Variants in TMPRSS9 observed in about 807,000 individuals in gnomAD.
TMPRSS9 encodes the protein transmembrane protease serine 9.
TMPRSS9 carries 113 observed loss-of-function variants against 111.4 expected under a neutral mutation model. The ratio of observed to expected loss-of-function variants is 1.01; its 90% CI spans 0.87 to 1.19. The LOEUF is 1.19. Ranked by LOEUF, TMPRSS9 falls within the 50% of genes most tolerant of loss-of-function variation. The pLI is 0.00. For missense variants in TMPRSS9, 1,803 were observed against 1,513.1 expected, an observed-to-expected ratio of 1.19 and a Z score of -3.18; for synonymous variants, 805 against 659.1, an observed-to-expected ratio of 1.22 and a Z score of -3.39.
chr19:2,422,078 A>G (rs1971478542), exon 14 of TMPRSS9: 1 of 1,609,170 alleles, frequency 6.2e-7, no homozygotes, highest in Non-Finnish European at 8.5e-7. Flanking sequence ...CCAGGACGAC[A>G]GCTGGCCTCA....
chr19:2,369,933 T>G (rs2385174), intron 1 of TMPRSS9, among the ~76,000 whole-genome samples: 1 of 151,824 alleles, frequency 6.6e-6, no homozygotes, highest in Non-Finnish European at 1.5e-5. Context: ...GATGCCCAAA[T>G]GCAGTGGCTC....
chr19:2,409,506 A>G (rs1284409665), intron 8 of TMPRSS9, among the ~76,000 whole-genome samples: 6 of 152,040 alleles, frequency 3.9e-5, no homozygotes, highest in Non-Finnish European at 8.8e-5. Context: ...AGTGGCTACT[A>G]TATTGGGTGG....
At chr19:2,417,733 C>T (rs1231469054) in intron 12 of TMPRSS9, among the ~76,000 whole-genome samples, 2 of 152,148 alleles carry the variant, frequency 1.3e-5, no homozygotes, top group Non-Finnish European at 2.9e-5. Context: ...TTAATGCTTC[C>T]CTTGACCTCA....
At chr19:2,411,706 C>T (rs1971100406) in intron 9 of TMPRSS9, among the ~76,000 whole-genome samples, 1 of 152,140 alleles carries the variant, frequency 6.6e-6, no homozygotes, top group Admixed American at 6.6e-5. Flanking sequence ...TGCCCACCAC[C>T]ACGCCTGGAT....
At chr19:2,412,314 G>A (rs984538124) in intron 9 of TMPRSS9, among the ~76,000 whole-genome samples, 1 of 152,060 alleles carries the variant, frequency 6.6e-6, no homozygotes, top group East Asian at 1.9e-4. Flanking sequence ...TGAGGTGGGA[G>A]GATTATTTGA....
exon 7 of TMPRSS9, chr19:2,405,422 G>A: frequency 1.2e-6 from 2 of 1,607,194 alleles, no homozygotes; most frequent in Non-Finnish European, 1.7e-6. Context: ...ATCGTGGGCG[G>A]CATGGAAGCA....
intron 2 of TMPRSS9, 107 bp downstream of exon 3, chr19:2,396,773 G>A: frequency 6.9e-7 from 1 of 1,444,740 alleles, no homozygotes; most frequent in Non-Finnish European, 9.2e-7. Flanking sequence ...AGGCAACGAA[G>A]CTGAGGTGGA....
upstream of TMPRSS9, among the ~76,000 whole-genome samples, chr19:2,387,276 A>G (rs560218651): frequency 4.6e-5 from 7 of 151,582 alleles, no homozygotes; most frequent in East Asian, 9.8e-4. Context: ...GGGTGGATCA[A>G]CTGAGGTCAG....
chr19:2,398,927 C>T, intron 3 of TMPRSS9, 65 bp downstream of exon 4: 2 of 1,532,860 alleles, frequency 1.3e-6, no homozygotes, highest in South Asian at 1.2e-5. Context: ...TGGAGGAGTC[C>T]AGAAAAGTTT....
rs895943924 is a variant in TMPRSS9 at position 2,408,269 on chromosome 19, C to G, written c.843-87C>G. The G allele has an allele frequency of 4.5e-5, 62 of 1,371,376 alleles. No individual in the cohort carries two copies. In the East Asian group the frequency reaches 1.4e-3, roughly 31 times the overall value. 85.0% of individuals were successfully genotyped at this position (1,371,376 alleles called of 1,614,324 possible). On this transcript the variant is annotated intron_variant, in intron 7 of 17. Coordinates refer to ENST00000648592, the Ensembl canonical transcript of TMPRSS9. ...TATTAATGTGGGGGGATACCCCTTA[C>G]ATTTTGCACCCAAGGCGAGTGTCCC...
At chr19:2,405,706 CTTT>C (rs10608410) in intron 7 of TMPRSS9, among the ~76,000 whole-genome samples, 161 bp downstream of exon 8, 42 of 135,816 alleles carry the variant, frequency 3.1e-4, no homozygotes, top group Non-Finnish European at 3.9e-4. Flanking sequence ...TGAGGGCATT[CTTT>C]TTTTTTTTTT....
chr19:2,405,192 C>T (rs1044444024), intron 6 of TMPRSS9, among the ~76,000 whole-genome samples, 182 bp from the exon 8 acceptor site: 6 of 151,942 alleles, frequency 3.9e-5, no homozygotes, highest in South Asian at 4.1e-4. Flanking sequence ...ATGGGGCAGC[C>T]GAGGAGTTGA....
At chr19:2,366,836 G>A (rs1014077196) in intron 1 of TMPRSS9, among the ~76,000 whole-genome samples, 3 of 144,102 alleles carry the variant, frequency 2.1e-5, no homozygotes, top group Non-Finnish European at 3.0e-5. Flanking sequence ...CAGCCTGGGC[G>A]ACAGAGCGAG....
chr19:2,420,590 T>C (rs1159626891), intron 13 of TMPRSS9, among the ~76,000 whole-genome samples: 1 of 152,018 alleles, frequency 6.6e-6, no homozygotes. Flanking sequence ...TAACCTGCAA[T>C]GGGAACCTAC....
chr19:2,416,839 G>T lies in TMPRSS9; in HGVS notation c.2017+30G>T, dbSNP rs745423504. On this transcript the variant is annotated intron_variant, in intron 12 of 17. Transcript: ENST00000648592. Reference sequence around the variant, plus strand: ...GCGCTGCCCCATCGAGGGGAACGGTGGATTTATTCTCCAGGGCCTGGCCTG... The same window carrying T: ...GCGCTGCCCCATCGAGGGGAACGGTTGATTTATTCTCCAGGGCCTGGCCTG... 2.5e-6 allele frequency: 4 copies of T among 1,578,460 alleles called. No individual in the cohort carries two copies. In the East Asian group the frequency reaches 9.0e-5, roughly 35 times the overall value.
intron 9 of TMPRSS9, among the ~76,000 whole-genome samples, chr19:2,412,385 C>G (rs2145364928): frequency 6.6e-6 from 1 of 152,252 alleles, no homozygotes; most frequent in Non-Finnish European, 1.5e-5. Flanking sequence ...GCCTGAGTGA[C>G]AGAGTGAGAC....
intron 14 of TMPRSS9, among the ~76,000 whole-genome samples, chr19:2,422,539 T>C (rs1971491171): frequency 6.6e-6 from 1 of 152,034 alleles, no homozygotes; most frequent in African/African-American, 2.4e-5. Flanking sequence ...TGCATGCCAC[T>C]GCACTCCAGC....
rs1026665439 is a variant in TMPRSS9 at position 2,414,751 on chromosome 19, C to G, written c.1573+733C>G. Among the ~76,000 whole-genome samples, 82 of 150,802 alleles carry G rather than the reference C, an allele frequency of 5.4e-4. 1 individual carries two copies. Among genetic ancestry groups the G allele is most frequent in the Non-Finnish European group, 1.2e-4 (8 of 67,764 alleles). On this transcript the variant is annotated intron_variant, in intron 10 of 17. Transcript: ENST00000648592. Reference sequence around the variant, plus strand: ...GCATGGTGGAGGGCACCTGTAATCCCAGCTACTTGGGAGGCTGAGGCAGGA... The same window carrying G: ...GCATGGTGGAGGGCACCTGTAATCCGAGCTACTTGGGAGGCTGAGGCAGGA...
chr19:2,375,694 A>C (rs931538380), intron 1 of TMPRSS9, among the ~76,000 whole-genome samples: 4 of 152,210 alleles, frequency 2.6e-5, no homozygotes, highest in Non-Finnish European at 5.9e-5. Flanking sequence ...AAACACTGTG[A>C]TTGGCAGACC....
Sources: allele counts gnomAD v4.1 joint callset (sites outside exome capture counted in the v4.1 genomes callset), GRCh38; gene constraint gnomAD v4.1.1; transcripts MANE v1.5; gene names NCBI Gene and HGNC (gene_info 2026-07-23, HGNC 2026-07-21).